IL1RAPL1: variants seen among roughly 807,000 people sequenced by gnomAD.
IL1RAPL1 encodes the protein interleukin-1 receptor accessory protein-like 1.
Under a neutral mutation model 48.4 loss-of-function variants are expected in IL1RAPL1, and 3 were observed. The ratio of observed to expected loss-of-function variants is 0.06; its 90% CI spans 0.03 to 0.16. The LOEUF is 0.16. Among genes scored for constraint, IL1RAPL1 ranks in the 10% least tolerant of loss-of-function variants. The pLI is 1.00. For synonymous variants in IL1RAPL1, 185 were observed against 187.7 expected (o/e 0.99, Z 0.12); for missense variants, 349 against 530.6 (o/e 0.66, Z 3.36).
chrX:28,594,381 T>C (rs1489857393), intron 1 of IL1RAPL1, among the ~76,000 whole-genome samples: 1 of 112,279 alleles, frequency 8.9e-6, no homozygotes, highest in African/African-American at 3.2e-5. Flanking sequence ...TGGAAAATAA[T>C]TGCTTTTTTA....
intron 5 of IL1RAPL1, among the ~76,000 whole-genome samples, chrX:29,593,228 G>GC (rs748417107): frequency 9.9e-5 from 11 of 111,241 alleles, no homozygotes; most frequent in Non-Finnish European, 1.9e-4. Flanking sequence ...CCATTCTCCA[G>GC]CCCCTCGTTA....
chrX:29,914,718 G>C (rs1308024752), intron 6 of IL1RAPL1, among the ~76,000 whole-genome samples: 1 of 107,263 alleles, frequency 9.3e-6, no homozygotes, highest in Non-Finnish European at 1.9e-5. Context: ...AACAAAAACA[G>C]TGCTCTTATA....
In IL1RAPL1 at chrX:29,549,088, A is replaced by G. The variant is rs912459606; in HGVS notation, c.704-119342A>G. ...TTTATGTATAGGTTTTTCTTTGCAT[A>G]TACAGTAGTCTCTCCTGGTCCCTGG... On this transcript the variant is annotated intron_variant, in intron 5 of 10. Coordinates refer to ENST00000378993, the MANE Select transcript of IL1RAPL1 (RefSeq NM_014271.4). 3.6e-5 allele frequency among the ~76,000 whole-genome samples: 4 copies of G among 112,166 alleles called. No individual in the cohort carries two copies. In the East Asian group the frequency reaches 8.3e-4, roughly 23 times the overall value.
intron 2 of IL1RAPL1, among the ~76,000 whole-genome samples, chrX:29,224,074 A>G (rs1464950908): frequency 2.7e-5 from 3 of 111,638 alleles, no homozygotes; most frequent in African/African-American, 9.8e-5. Context: ...TTACACCATT[A>G]GAACAGGTTT....
chrX:28,960,662 T>C (rs192421946), intron 2 of IL1RAPL1, among the ~76,000 whole-genome samples: 2 of 111,593 alleles, frequency 1.8e-5, no homozygotes, highest in South Asian at 3.7e-4. Flanking sequence ...CAAAATTGTT[T>C]AGAGTTTATT....
At chrX:29,888,595 C>G (rs1011045296) in intron 6 of IL1RAPL1, among the ~76,000 whole-genome samples, 4 of 111,084 alleles carry the variant, frequency 3.6e-5, no homozygotes, top group African/African-American at 1.3e-4. Flanking sequence ...TTTCATGACC[C>G]TTTCAGTGTA....
At chrX:28,667,531 C>T (rs186319052) in intron 1 of IL1RAPL1, among the ~76,000 whole-genome samples, 3 of 111,831 alleles carry the variant, frequency 2.7e-5, no homozygotes, top group Non-Finnish European at 5.6e-5. Flanking sequence ...TTTGTCTGTT[C>T]GCCTCATGCT....
At chrX:28,913,120 G>A (rs950163430) in intron 2 of IL1RAPL1, among the ~76,000 whole-genome samples, 2 of 111,669 alleles carry the variant, frequency 1.8e-5, no homozygotes, top group Non-Finnish European at 3.8e-5. Context: ...GCAATGTAAT[G>A]ATCCAGGAAG....
intron 1 of IL1RAPL1, among the ~76,000 whole-genome samples, chrX:28,762,576 C>T (rs757619154): frequency 2.7e-4 from 30 of 110,602 alleles, no homozygotes; most frequent in Non-Finnish European, 5.3e-4. Context: ...CATACATACA[C>T]GGGCACACAC....
intron 1 of IL1RAPL1, among the ~76,000 whole-genome samples, chrX:28,769,704 A>G (rs1052381071): frequency 9.0e-6 from 1 of 111,414 alleles, no homozygotes; most frequent in East Asian, 2.8e-4. Context: ...ACCTGTTATC[A>G]TTCTGGGGAC....
intron 5 of IL1RAPL1, among the ~76,000 whole-genome samples, chrX:29,660,276 C>T (rs1400343803): frequency 1.8e-5 from 2 of 111,820 alleles, no homozygotes; most frequent in Non-Finnish European, 3.8e-5. Flanking sequence ...TAATTTCTTC[C>T]ATTTTGTAGG....
At chrX:29,084,011 G>A (rs1048299231) in intron 2 of IL1RAPL1, among the ~76,000 whole-genome samples, 1 of 111,125 alleles carries the variant, frequency 9.0e-6, no homozygotes, top group Non-Finnish European at 1.9e-5. Context: ...CCACCAAAGG[G>A]AGCCTTCTTC....
rs755657324 is a variant in IL1RAPL1, at chrX:29,610,645, G to A, written c.704-57785G>A. On this transcript the variant is annotated intron_variant, in intron 5 of 10. Transcript: ENST00000378993. ...GATGTCATCATTTTATTGTTAACCT[G>A]ACGGTGAAACTGGAGAATTCCCTGA... 1.8e-4 allele frequency among the ~76,000 whole-genome samples: 20 copies of A among 112,453 alleles called. No individual in the cohort carries two copies. The South Asian group carries it at 7.3e-3, about 41-fold the overall frequency.
intron 2 of IL1RAPL1, among the ~76,000 whole-genome samples, chrX:29,052,225 C>T (rs1927109113): frequency 9.0e-6 from 1 of 111,614 alleles, no homozygotes. Context: ...TTGCAGTCTT[C>T]ACTGTGTCGA....
At chrX:29,932,136 A>G (rs1932957856) in intron 8 of IL1RAPL1, among the ~76,000 whole-genome samples, 1 of 112,148 alleles carries the variant, frequency 8.9e-6, no homozygotes, top group Non-Finnish European at 1.9e-5. Context: ...ATCTGAGATA[A>G]AGGAAGCCCC....
At chrX:28,732,930 A>G (rs1601878745) in intron 1 of IL1RAPL1, among the ~76,000 whole-genome samples, 1 of 111,665 alleles carries the variant, frequency 9.0e-6, no homozygotes, top group Non-Finnish European at 1.9e-5. Context: ...TGTTAAACAC[A>G]TAAATTCTAG....
intron 5 of IL1RAPL1, among the ~76,000 whole-genome samples, chrX:29,667,181 G>A (rs1926023996): frequency 8.9e-6 from 1 of 112,057 alleles, no homozygotes; most frequent in Admixed American, 9.4e-5. Context: ...ATTATTCCAT[G>A]AGCTATGAAC....
At chrX:29,000,603 G>T (rs1925828425) in intron 2 of IL1RAPL1, among the ~76,000 whole-genome samples, 1 of 111,706 alleles carries the variant, frequency 9.0e-6, no homozygotes, top group Non-Finnish European at 1.9e-5. Context: ...CTACAAAAAA[G>T]ATTTTCTATC....
At chrX:29,571,429 TA>T (rs1170302079) in intron 5 of IL1RAPL1, among the ~76,000 whole-genome samples, 1 of 111,275 alleles carries the variant, frequency 9.0e-6, no homozygotes, top group Non-Finnish European at 1.9e-5. Context: ...GATTAGTTCC[TA>T]GTAGTTACTC....
Sources: allele counts gnomAD v4.1 joint callset (sites outside exome capture counted in the v4.1 genomes callset), GRCh38; gene constraint gnomAD v4.1.1; transcripts MANE v1.5; gene names NCBI Gene and HGNC (gene_info 2026-07-23, HGNC 2026-07-21).